LRP1B: variants seen among roughly 807,000 people sequenced by gnomAD.
LRP1B encodes LDL receptor related protein 1B.
A neutral mutation model predicts 556.6 loss-of-function variants in LRP1B; 217 were observed. That is an observed-to-expected ratio of 0.39 (90% CI 0.35 to 0.44). The LOEUF (loss-of-function observed/expected upper bound fraction) is 0.44. Ranked by LOEUF, LRP1B falls within the 20% of genes least tolerant of loss-of-function variation. The pLI is 1.00. For missense variants in LRP1B, 5,053 were observed against 5,620.8 expected (o/e 0.90, Z 3.23); for synonymous variants, 2,047 against 1,865.8 (o/e 1.10, Z -2.50).
Position 141,188,428 on chromosome 2 carries a change from T to C in LRP1B, c.1006A>G (p.Ile336Val), listed in dbSNP as rs2105192903. ...CTATAAAGAATTTCTTACCCTGCTA[T>C]TGGATCTACTGCTATTGCTTTAGGA... ...HNPKAIAVDP[I>V]AGKLFFTDYG... The change falls in exon 7 of 91, where the codon ATA becomes GTA. Residue 336 changes from isoleucine (I) to valine (V), a missense_variant. This residue lies in a region of LRP1B where 3,619 missense variants were observed against 3,931.9 expected (regional missense o/e 0.92). Coordinates refer to ENST00000389484, the MANE Select transcript of LRP1B (RefSeq NM_018557.3). 2 of 1,611,468 alleles carry C rather than the reference T, an allele frequency of 1.2e-6. No individual in the cohort carries two copies. Among genetic ancestry groups the C allele is most frequent in the Non-Finnish European group, 1.7e-6 (2 of 1,178,772 alleles).
intron 2 of LRP1B, among the ~76,000 whole-genome samples, chr2:141,778,262 TAGATTA>T (rs1695140252): frequency 1.3e-5 from 2 of 152,320 alleles, no homozygotes; most frequent in African/African-American, 4.8e-5. Context: ...TTCCATACAT[TAGATTA>T]AATGTGATTC....
intron 59 of LRP1B, among the ~76,000 whole-genome samples, chr2:140,483,537 G>GA (rs1049581553): frequency 3.4e-5 from 4 of 116,454 alleles, no homozygotes; most frequent in African/African-American, 1.3e-4. Context: ...TGATTTTGAA[G>GA]AAAAAAAATT....
chr2:141,717,437 C>T lies in LRP1B; in HGVS notation c.205+92842G>A, dbSNP rs573308895. ...ATTGACTGATTCAGTGGCAGAACTC[C>T]AGTGTTTTCCAAATATCAGGTGCCA... is the stretch of plus-strand genomic sequence containing the variant. On this transcript the variant is annotated intron_variant, in intron 2 of 90. Transcript: ENST00000389484. Among the ~76,000 whole-genome samples, 32 of 152,282 alleles carry T rather than the reference C, an allele frequency of 2.1e-4. 1 individual carries two copies. In the South Asian group the frequency reaches 6.4e-3, roughly 31 times the overall value.
At position 141,397,918 on chromosome 2, in the gene LRP1B, A is replaced by T. The variant is rs559627313; in HGVS notation, c.343+82478T>A. On this transcript the variant is annotated intron_variant, in intron 3 of 90. Transcript: ENST00000389484. ...TCTATATATACACACACATATATGC[A>T]TATGTATATATATTTTTAAACATCA... Among the ~76,000 whole-genome samples the T allele has an allele frequency of 6.6e-5, 10 of 151,916 alleles. No individual in the cohort carries two copies. The South Asian group carries it at 1.7e-3, about 25-fold the overall frequency.
chr2:141,041,376 A>G lies in LRP1B; in HGVS notation c.1789+7610T>C, dbSNP rs147222650. Among the ~76,000 whole-genome samples, 14 of 152,230 alleles carry G rather than the reference A, an allele frequency of 9.2e-5. No homozygotes were observed. The East Asian group carries it at 2.7e-3, about 30-fold the overall frequency. ...TTTCACCGGGCTAAAGTCTAGGTGC[A>G]AGCAGAGCTGATCCCTTCTGGGGAG... On this transcript the variant is annotated intron_variant, in intron 11 of 90. Coordinates refer to ENST00000389484, the MANE Select transcript of LRP1B (RefSeq NM_018557.3).
chr2:140,793,516 T>C (rs973377860), intron 32 of LRP1B, among the ~76,000 whole-genome samples: 3 of 152,014 alleles, frequency 2.0e-5, no homozygotes, highest in African/African-American at 7.2e-5. Context: ...TAAATAATAC[T>C]GTAAAATTTA....
intron 1 of LRP1B, among the ~76,000 whole-genome samples, chr2:141,860,263 G>A (rs1698194625): frequency 6.6e-6 from 1 of 152,076 alleles, no homozygotes; most frequent in South Asian, 2.1e-4. Flanking sequence ...TGTTAGCACT[G>A]TCCCAGAAGT....
At chr2:140,360,355 C>T (rs1259769440) in intron 72 of LRP1B, among the ~76,000 whole-genome samples, 1 of 151,504 alleles carries the variant, frequency 6.6e-6, no homozygotes, top group East Asian at 1.9e-4. Context: ...ATACTCCCTC[C>T]TCTTTAGGTC....
At chr2:140,260,923 T>A (rs1446409208) in intron 86 of LRP1B, among the ~76,000 whole-genome samples, 1 of 151,860 alleles carries the variant, frequency 6.6e-6, no homozygotes, top group African/African-American at 2.4e-5. Flanking sequence ...AAAGCCAATT[T>A]TTTTTTGTCT....
chr2:141,161,596 G>T (rs570589686), intron 7 of LRP1B, among the ~76,000 whole-genome samples: 11 of 152,068 alleles, frequency 7.2e-5, no homozygotes, highest in Non-Finnish European at 1.3e-4. Flanking sequence ...GGCAACTTGC[G>T]TTTTGTACTA....
At chr2:140,752,483 C>T (rs1441683169) in intron 35 of LRP1B, among the ~76,000 whole-genome samples, 1 of 151,842 alleles carries the variant, frequency 6.6e-6, no homozygotes, top group Non-Finnish European at 1.5e-5. Context: ...TAACACTAAG[C>T]CCAGCTAATT....
intron 5 of LRP1B, among the ~76,000 whole-genome samples, chr2:141,231,002 A>G (rs921198524): frequency 9.9e-5 from 15 of 152,234 alleles, no homozygotes; most frequent in Admixed American, 2.0e-4. Flanking sequence ...AATAAAAAGG[A>G]CACATGGAAT....
In LRP1B at chr2:140,812,825, C is replaced by T. The variant is rs111936352; in HGVS notation, c.5359+832G>A. On this transcript the variant is annotated intron_variant, in intron 32 of 90. Coordinates refer to ENST00000389484, the MANE Select transcript of LRP1B (RefSeq NM_018557.3). ...AATTTTCTGAGTATCATCCTGTAAC[C>T]GCAAATGCAATTACTGAAATTCTTT... Among the ~76,000 whole-genome samples the T allele has an allele frequency of 1.8e-3, 280 of 151,804 alleles. 1 individual carries two copies. The highest frequency in any genetic ancestry group is 6.3e-3 in the African/African-American group (263 of 41,432).
intron 41 of LRP1B, among the ~76,000 whole-genome samples, chr2:140,640,736 T>C (rs1684265257): frequency 6.6e-6 from 1 of 152,154 alleles, no homozygotes; most frequent in Admixed American, 6.5e-5. Flanking sequence ...CTGATTAATA[T>C]ATTTAATTCA....
chr2:140,847,857 A>G (rs986984945), intron 29 of LRP1B, among the ~76,000 whole-genome samples: 22 of 152,066 alleles, frequency 1.4e-4, no homozygotes, highest in African/African-American at 5.3e-4. Flanking sequence ...ATATGTATTA[A>G]TTATTAGTGA....
At chr2:141,757,216 G>A (rs927352459) in intron 2 of LRP1B, among the ~76,000 whole-genome samples, 1 of 151,966 alleles carries the variant, frequency 6.6e-6, no homozygotes, top group Non-Finnish European at 1.5e-5. Context: ...AATAATTTTT[G>A]AATACTCTTC....
chr2:140,755,312 A>G (rs189556299), intron 35 of LRP1B, among the ~76,000 whole-genome samples: 19 of 152,158 alleles, frequency 1.2e-4, no homozygotes, highest in Non-Finnish European at 2.1e-4. Flanking sequence ...AATTCATTCT[A>G]TGAGGCCAAA....
chr2:140,361,615 G>A (rs1322140339), intron 72 of LRP1B, among the ~76,000 whole-genome samples: 1 of 150,658 alleles, frequency 6.6e-6, no homozygotes, highest in Admixed American at 6.7e-5. Flanking sequence ...GGTGTCTCTG[G>A]TGCCTCACTC....
chr2:141,470,050 T>C (rs1349109996), intron 3 of LRP1B, among the ~76,000 whole-genome samples: 1 of 150,304 alleles, frequency 6.7e-6, no homozygotes, highest in African/African-American at 2.4e-5. Flanking sequence ...ATAGTCTGTA[T>C]AAGATTGGGT....
Sources: allele counts gnomAD v4.1 joint callset (sites outside exome capture counted in the v4.1 genomes callset), GRCh38; gene constraint gnomAD v4.1.1; regional missense constraint gnomAD v4.1.1; transcripts MANE v1.5; gene names NCBI Gene and HGNC (gene_info 2026-07-23, HGNC 2026-07-21).